Variants in IGSF21 observed in about 807,000 individuals in gnomAD.
IGSF21 encodes the protein immunoglobin superfamily member 21, also known as immunoglobulin superfamily member 21.
In IGSF21, 28 loss-of-function variants were observed where a neutral mutation model predicts 46.8. The ratio of observed to expected loss-of-function variants is 0.60; its 90% CI spans 0.44 to 0.82. The LOEUF is 0.82. Among genes scored for constraint, IGSF21 ranks in the 40% least tolerant of loss-of-function variants. IGSF21 has a pLI of 0.00. For missense variants in IGSF21, 624 were observed against 665.5 expected (o/e 0.94, Z 0.69); for synonymous variants, 284 against 273.6 (o/e 1.04, Z -0.38).
intron 4 of IGSF21, among the ~76,000 whole-genome samples, chr1:18,343,653 T>C (rs2085864586): frequency 6.6e-6 from 1 of 152,232 alleles, no homozygotes; most frequent in Non-Finnish European, 1.5e-5. Context: ...ACTTCATCAT[T>C]TGCATGTGGA....
intron 3 of IGSF21, among the ~76,000 whole-genome samples, chr1:18,306,374 C>T (rs1222066904): frequency 6.6e-6 from 1 of 152,238 alleles, no homozygotes; most frequent in East Asian, 1.9e-4. Context: ...TCCCTGACTG[C>T]CTCACCTCCA....
At chr1:18,371,596 A>G (rs1431621284) in intron 6 of IGSF21, among the ~76,000 whole-genome samples, 1 of 152,150 alleles carries the variant, frequency 6.6e-6, no homozygotes, top group Non-Finnish European at 1.5e-5. Context: ...ATGTTGATCA[A>G]AAGAAGCCAG....
At chr1:18,366,222 C>T (rs1269113915) in intron 6 of IGSF21, among the ~76,000 whole-genome samples, 4 of 152,206 alleles carry the variant, frequency 2.6e-5, no homozygotes, top group Admixed American at 6.5e-5. Context: ...GTGTTAAAAA[C>T]AGGGGAGGTT....
chr1:18,316,121 G>A (rs1296685453), intron 3 of IGSF21, among the ~76,000 whole-genome samples: 1 of 152,132 alleles, frequency 6.6e-6, no homozygotes, highest in Non-Finnish European at 1.5e-5. Flanking sequence ...TCAAGCAGAG[G>A]CATCACGAGG....
rs1463981187 is a variant in IGSF21 at position 18,342,511 on chromosome 1, C to T, written c.424+7501C>T. On this transcript the variant is annotated intron_variant, in intron 4 of 9. Transcript: ENST00000251296. ...TATTCACAGAGTTGTGCCTCTACCACCACAATCAATTTTAGAACATTTTCA... is the reference window on the plus strand; with the variant it reads ...TATTCACAGAGTTGTGCCTCTACCATCACAATCAATTTTAGAACATTTTCA... Among the ~76,000 whole-genome samples the T allele has an allele frequency of 2.0e-5, 3 of 152,168 alleles. No individual in the cohort carries two copies. In the South Asian group the frequency reaches 6.2e-4, roughly 32 times the overall value.
At chr1:18,111,612 T>C (rs1014764485) in intron 1 of IGSF21, 1 of 152,184 alleles carries the variant, frequency 6.6e-6, no homozygotes, top group East Asian at 1.9e-4. Flanking sequence ...CCGCAGCTAG[T>C]ATTGTAGCTG....
At chr1:18,231,027 G>A (rs1449991866) in intron 2 of IGSF21, among the ~76,000 whole-genome samples, 1 of 152,006 alleles carries the variant, frequency 6.6e-6, no homozygotes, top group Non-Finnish European at 1.5e-5. Flanking sequence ...CTCCGTGAAT[G>A]AGCTTACAGA....
At chr1:18,377,745 C>A (rs2086298937) in intron 9 of IGSF21, among the ~76,000 whole-genome samples, 1 of 152,224 alleles carries the variant, frequency 6.6e-6, no homozygotes, top group Non-Finnish European at 1.5e-5. Context: ...GCATCTCTAG[C>A]TTTCTTAGCT....
chr1:18,289,858 T>C (rs998849377), intron 2 of IGSF21, among the ~76,000 whole-genome samples: 1 of 152,238 alleles, frequency 6.6e-6, no homozygotes, highest in African/African-American at 2.4e-5. Flanking sequence ...AAGGCCCTGC[T>C]TTAAAGGTAC....
chr1:18,189,716 G>C (rs1047933336), intron 1 of IGSF21, among the ~76,000 whole-genome samples: 7 of 152,086 alleles, frequency 4.6e-5, no homozygotes, highest in Non-Finnish European at 8.8e-5. Context: ...ATCGAATGCC[G>C]CTGCTGATCT....
chr1:18,378,341 G>A lies in IGSF21; in HGVS notation c.*15G>A, dbSNP rs1350838150. On this transcript the variant is annotated 3_prime_UTR_variant, in exon 10 of 10. Coordinates refer to ENST00000251296, the MANE Select transcript of IGSF21 (RefSeq NM_032880.5). ...AGCTGACGTGAAGGCACCCGCCCCG[G>A]CCACTCCATCAGGCACTGACATCTC... 1.9e-6 allele frequency: 3 copies of A among 1,611,096 alleles called. No homozygotes were observed. The East Asian group carries it at 6.7e-5, about 36-fold the overall frequency.
At chr1:18,115,043 C>G (rs2086176382) in intron 1 of IGSF21, 3 of 152,332 alleles carry the variant, frequency 2.0e-5, no homozygotes, top group Non-Finnish European at 4.4e-5. Flanking sequence ...CACTGACATG[C>G]CCAGGGTCAC....
intron 3 of IGSF21, among the ~76,000 whole-genome samples, chr1:18,313,032 C>T (rs548529637): frequency 1.4e-3 from 208 of 152,302 alleles, no homozygotes; most frequent in Admixed American, 2.5e-3. Flanking sequence ...AGGGCAAGAG[C>T]CCCGTTTTAC....
At chr1:18,187,041 A>G (rs1029767135) in intron 1 of IGSF21, among the ~76,000 whole-genome samples, 2 of 152,128 alleles carry the variant, frequency 1.3e-5, no homozygotes, top group Non-Finnish European at 2.9e-5. Context: ...GGGCTGCTAT[A>G]ACAAAATACT....
At chr1:18,286,242 G>C (rs1372936327) in intron 2 of IGSF21, among the ~76,000 whole-genome samples, 1 of 152,234 alleles carries the variant, frequency 6.6e-6, no homozygotes, top group Non-Finnish European at 1.5e-5. Flanking sequence ...ACCTTGGGCA[G>C]TTCACTTGCC....
In IGSF21 at chr1:18,368,516, GAA is replaced by G. The variant is rs202029738; in HGVS notation, c.1015+2829_1015+2830del. On this transcript the variant is annotated intron_variant, in intron 6 of 9. Coordinates refer to ENST00000251296, the MANE Select transcript of IGSF21 (RefSeq NM_032880.5). ...ATAGAGTGAGACTTCATCTCAAAAA[GAA>G]AAAAAAAAAGTTGGGGGGAAAAAAG... Among the ~76,000 whole-genome samples, 13 of 143,890 alleles carry G rather than the reference GAA, an allele frequency of 9.0e-5. No individual in the cohort carries two copies. In the East Asian group the frequency reaches 1.8e-3, roughly 20 times the overall value. The allele number at this position is 143,890 out of a possible 152,430, so 94.4% of individuals were successfully genotyped here. A position where few individuals can be genotyped will look rare whatever the true frequency, so the allele number is the denominator to read the frequency against.
At chr1:18,241,393 C>G (rs1300760300) in intron 2 of IGSF21, among the ~76,000 whole-genome samples, 4 of 152,108 alleles carry the variant, frequency 2.6e-5, no homozygotes, top group Admixed American at 6.5e-5. Flanking sequence ...CCTCAGAGAG[C>G]CTTGAGAGAA....
chr1:18,149,193 G>T (rs577469978), intron 1 of IGSF21, among the ~76,000 whole-genome samples: 2 of 152,148 alleles, frequency 1.3e-5, no homozygotes, highest in African/African-American at 4.8e-5. Context: ...AGCCCCTGCT[G>T]GCCAATGCTG....
At chr1:18,115,353 G>A (rs2086178857) in intron 1 of IGSF21, 1 of 152,310 alleles carries the variant, frequency 6.6e-6, no homozygotes, top group African/African-American at 2.4e-5. Context: ...AGCCCTCCTT[G>A]GGGCTGGAGA....
Sources: allele counts gnomAD v4.1 joint callset (sites outside exome capture counted in the v4.1 genomes callset), GRCh38; gene constraint gnomAD v4.1.1; transcripts MANE v1.5; gene names NCBI Gene and HGNC (gene_info 2026-07-23, HGNC 2026-07-21).